MALRD1: variants seen among roughly 807,000 people sequenced by gnomAD.
The protein encoded by MALRD1 is MAM and LDL receptor class A domain containing 1.
In MALRD1, 247 loss-of-function variants were observed where a neutral mutation model predicts 242.1. The observed-to-expected ratio is 1.02, with a 90% CI of 0.92 to 1.13. The LOEUF is 1.13. MALRD1 is among the 50% of genes most tolerant of loss of function. The probability of loss-of-function intolerance (pLI) is 0.00; values close to 1 mark genes in which losing one functional copy is unlikely to be tolerated. For missense variants in MALRD1, 2,989 were observed against 2,533.1 expected (o/e 1.18, Z -3.86); for synonymous variants, 995 against 866.6 (o/e 1.15, Z -2.60).
intron 36 of MALRD1, among the ~76,000 whole-genome samples, chr10:19,672,464 C>T (rs538620472): frequency 6.8e-6 from 1 of 147,714 alleles, no homozygotes; most frequent in East Asian, 2.0e-4. Context: ...CTCTCTCTCA[C>T]CTAGGCTGGA....
intron 1 of MALRD1, among the ~76,000 whole-genome samples, chr10:19,050,709 G>C (rs968590180): frequency 3.3e-5 from 5 of 152,164 alleles, no homozygotes; most frequent in African/African-American, 1.2e-4. Context: ...CTGTGGGCTT[G>C]TTGCACCTTG....
intron 2 of MALRD1, among the ~76,000 whole-genome samples, chr10:19,067,516 T>C (rs1330426674): frequency 4.6e-5 from 7 of 152,162 alleles, no homozygotes; most frequent in African/African-American, 1.7e-4. Context: ...TTATAAGTGA[T>C]ACTTCCCTCA....
At chr10:19,329,604 C>T (rs1433373061) in intron 23 of MALRD1, among the ~76,000 whole-genome samples, 2 of 152,052 alleles carry the variant, frequency 1.3e-5, no homozygotes, top group Admixed American at 1.3e-4. Flanking sequence ...TACAGAAATA[C>T]CCAGATGTTA....
intron 26 of MALRD1, among the ~76,000 whole-genome samples, chr10:19,374,412 T>C (rs1164889240): frequency 6.6e-6 from 1 of 152,216 alleles, no homozygotes; most frequent in Non-Finnish European, 1.5e-5. Context: ...ATGGTTGATA[T>C]AAAGCCCAGT....
intron 36 of MALRD1, among the ~76,000 whole-genome samples, chr10:19,622,630 A>G (rs1407173721): frequency 6.6e-6 from 1 of 150,802 alleles, no homozygotes; most frequent in Admixed American, 6.6e-5. Flanking sequence ...GAGTGGAACA[A>G]TAGCTAGTAA....
At chr10:19,338,872 T>TAC (rs149133712) in intron 24 of MALRD1, among the ~76,000 whole-genome samples, 25 of 149,276 alleles carry the variant, frequency 1.7e-4, no homozygotes, top group East Asian at 3.9e-4. Flanking sequence ...TATATATATA[T>TAC]ACACACACAC....
At chr10:19,058,629 C>G (rs1834734669) in intron 1 of MALRD1, among the ~76,000 whole-genome samples, 1 of 152,018 alleles carries the variant, frequency 6.6e-6, no homozygotes, top group Non-Finnish European at 1.5e-5. Flanking sequence ...GGAAAAACAT[C>G]TGCAATATAG....
chr10:19,657,335 C>A (rs554741740), intron 36 of MALRD1, among the ~76,000 whole-genome samples: 5 of 152,196 alleles, frequency 3.3e-5, no homozygotes, highest in African/African-American at 1.2e-4. Context: ...CATACTCAAT[C>A]TTCAGGTCTT....
intron 36 of MALRD1, among the ~76,000 whole-genome samples, chr10:19,679,010 T>G (rs1382419875): frequency 6.6e-6 from 1 of 152,222 alleles, no homozygotes; most frequent in African/African-American, 2.4e-5. Flanking sequence ...TGAAGCCACC[T>G]TGATCATGGT....
intron 38 of MALRD1, among the ~76,000 whole-genome samples, chr10:19,729,847 C>T (rs1272692337): frequency 7.0e-6 from 1 of 141,992 alleles, no homozygotes; most frequent in East Asian, 2.2e-4. Flanking sequence ...CGCCATTCTC[C>T]TGCCTCAGCC....
At chr10:19,583,294 C>G (rs1406912003) in intron 33 of MALRD1, among the ~76,000 whole-genome samples, 10 of 148,332 alleles carry the variant, frequency 6.7e-5, no homozygotes, top group African/African-American at 2.5e-4. Flanking sequence ...GCATCCCTGT[C>G]TTGTGCCAGT....
chr10:19,578,528 C>A (rs779820272), intron 33 of MALRD1, among the ~76,000 whole-genome samples: 43 of 152,184 alleles, frequency 2.8e-4, no homozygotes, highest in Admixed American at 6.5e-4. Context: ...CCCGTCTCTA[C>A]TAAAAATACA....
chr10:19,186,314 T>G (rs148436614), intron 14 of MALRD1, among the ~76,000 whole-genome samples: 1 of 152,212 alleles, frequency 6.6e-6, no homozygotes, highest in Admixed American at 6.5e-5. Flanking sequence ...GGAGGTTGTT[T>G]CTGGTGAAGG....
chr10:19,723,207 G>A (rs1416443295), intron 38 of MALRD1, among the ~76,000 whole-genome samples: 2 of 152,144 alleles, frequency 1.3e-5, no homozygotes, highest in East Asian at 1.9e-4. Flanking sequence ...CTCCACACAC[G>A]AAATACAGGG....
chr10:19,578,029 A>G (rs1836917341), intron 33 of MALRD1, among the ~76,000 whole-genome samples: 1 of 152,156 alleles, frequency 6.6e-6, no homozygotes, highest in Non-Finnish European at 1.5e-5. Context: ...GATTCCCTGG[A>G]ACACATATGT....
intron 36 of MALRD1, among the ~76,000 whole-genome samples, chr10:19,660,977 T>C (rs1402949046): frequency 6.6e-6 from 1 of 152,130 alleles, no homozygotes; most frequent in African/African-American, 2.4e-5. Flanking sequence ...GGGCGAAGGA[T>C]ATGAACAGAC....
intron 14 of MALRD1, among the ~76,000 whole-genome samples, chr10:19,189,415 A>T (rs1178597746): frequency 6.6e-6 from 1 of 152,006 alleles, no homozygotes; most frequent in African/African-American, 2.4e-5. Flanking sequence ...ATCCTCTCAA[A>T]TTTTTCCAAA....
intron 33 of MALRD1, among the ~76,000 whole-genome samples, chr10:19,579,687 G>A (rs1339585917): frequency 6.6e-6 from 1 of 152,136 alleles, no homozygotes. Context: ...CGTGAGTATA[G>A]GTGAGTCTGA....
chr10:19,694,614 C>G (rs1833281076), intron 38 of MALRD1, among the ~76,000 whole-genome samples: 1 of 152,202 alleles, frequency 6.6e-6, no homozygotes, highest in Non-Finnish European at 1.5e-5. Flanking sequence ...AACAGTTTTA[C>G]ACTGTTGGTG....
Sources: gnomAD v4.1 joint callset for allele counts (sites outside exome capture counted in the v4.1 genomes callset) on GRCh38, gnomAD v4.1.1 for gene constraint, MANE v1.5 for transcripts, NCBI Gene and HGNC (gene_info 2026-07-23, HGNC 2026-07-21) for gene names.